NCOA2: variants seen among roughly 807,000 people sequenced by gnomAD.
NCOA2 encodes class E basic helix-loop-helix protein 75.
NCOA2 carries 21 observed loss-of-function variants against 145.1 expected under a neutral mutation model. That is an observed-to-expected ratio of 0.14 (90% CI 0.10 to 0.21). The LOEUF (loss-of-function observed/expected upper bound fraction) is 0.21, where lower values mean the gene tolerates loss of function less well. Among genes scored for constraint, NCOA2 ranks in the 10% least tolerant of loss-of-function variants. The pLI, the probability that NCOA2 is intolerant of heterozygous loss-of-function variation, is 1.00. For synonymous variants in NCOA2, 619 were observed against 637.5 expected, an observed-to-expected ratio of 0.97 and a Z score of 0.44; for missense variants, 1,472 against 1,837.6, an observed-to-expected ratio of 0.80 and a Z score of 3.64.
At chr8:70,129,065 A>G in intron 16 of NCOA2, 85 bp from the exon 17 acceptor site, 1 of 1,289,136 alleles carries the variant, frequency 7.8e-7, no homozygotes, top group South Asian at 1.5e-5. Flanking sequence ...TCTCACTATC[A>G]TATATTTGAA....
At chr8:70,199,712 A>G (rs889074583) in intron 4 of NCOA2, among the ~76,000 whole-genome samples, 13 of 152,188 alleles carry the variant, frequency 8.5e-5, no homozygotes, top group African/African-American at 2.4e-4. Flanking sequence ...GAAAACCATC[A>G]TAAGGAGGCA....
chr8:70,234,487 A>G (rs1261118364), intron 2 of NCOA2, among the ~76,000 whole-genome samples: 1 of 152,208 alleles, frequency 6.6e-6, no homozygotes, highest in Non-Finnish European at 1.5e-5. Flanking sequence ...AGTAATAAAC[A>G]AGGATTCCAC....
intron 14 of NCOA2, 46 bp downstream of exon 14, chr8:70,141,137 TA>T: frequency 6.5e-7 from 1 of 1,533,936 alleles, no homozygotes; most frequent in East Asian, 2.3e-5. Context: ...CTCTCTTTTC[TA>T]AGAGAGCATA....
At position 70,112,430 on chromosome 8, in the gene NCOA2, G is replaced by T; in HGVS notation, c.*1202C>A. On this transcript the variant is annotated 3_prime_UTR_variant, in exon 23 of 23. Transcript: ENST00000452400. ...GATTTTATGTACCTTACAAAACTTC[G>T]GCTTAGTCAGCACTGCTAAAAAACA... 1 of 194,804 alleles carries T rather than the reference G, an allele frequency of 5.1e-6. No individual in the cohort carries two copies. 12.1% of individuals were successfully genotyped at this position (194,804 alleles called of 1,614,324 possible). A position where few individuals can be genotyped will look rare whatever the true frequency, so the allele number is the denominator to read the frequency against.
intron 1 of NCOA2, among the ~76,000 whole-genome samples, chr8:70,343,274 A>G (rs1808309302): frequency 6.6e-6 from 1 of 152,198 alleles, no homozygotes; most frequent in Non-Finnish European, 1.5e-5. Flanking sequence ...TCAGGTTCTT[A>G]AGTTCCATTC....
At chr8:70,431,947 C>T in the NCOA2 span, among the ~76,000 whole-genome samples, 3 of 152,168 alleles carry the variant, frequency 2.0e-5, no homozygotes, top group African/African-American at 4.8e-5. Flanking sequence ...TGTTTTTGAG[C>T]ACTCTGTATT....
intron 22 of NCOA2, among the ~76,000 whole-genome samples, chr8:70,116,186 T>TTAAAAAAAA (rs1807102458): frequency 6.2e-5 from 5 of 80,662 alleles, no homozygotes; most frequent in Admixed American, 1.4e-4. Context: ...GACTCTGTCT[T>TTAAAAAAAA]AAAAAAAAAA....
chr8:70,347,915 TC>T (rs1174841978), intron 1 of NCOA2, among the ~76,000 whole-genome samples: 1 of 152,202 alleles, frequency 6.6e-6, no homozygotes, highest in Non-Finnish European at 1.5e-5. Context: ...GGAGTAAACT[TC>T]TTAAGAAGAG....
chr8:70,331,294 T>G (rs530260184), intron 1 of NCOA2, among the ~76,000 whole-genome samples: 1 of 152,116 alleles, frequency 6.6e-6, no homozygotes, highest in Non-Finnish European at 1.5e-5. Context: ...CAATAGAGTA[T>G]AGCACATAAT....
At chr8:70,420,180 C>G in the NCOA2 span, among the ~76,000 whole-genome samples, 9 of 152,140 alleles carry the variant, frequency 5.9e-5, no homozygotes, top group Non-Finnish European at 1.3e-4. Flanking sequence ...TTTCCATGGT[C>G]TTGTTCAAAA....
the NCOA2 span, among the ~76,000 whole-genome samples, chr8:70,442,057 G>C: frequency 2.8e-5 from 3 of 107,732 alleles, no homozygotes; most frequent in African/African-American, 1.3e-4. Context: ...AGAAAGGAAA[G>C]AGAGAGAAAG....
chr8:70,241,215 G>A (rs1396991082), intron 2 of NCOA2, among the ~76,000 whole-genome samples: 1 of 152,032 alleles, frequency 6.6e-6, no homozygotes, highest in Non-Finnish European at 1.5e-5. Context: ...TTCTCCATTT[G>A]CCAAGAAAAA....
chr8:70,449,256 C>T, the NCOA2 span, among the ~76,000 whole-genome samples: 1 of 152,220 alleles, frequency 6.6e-6, no homozygotes, highest in South Asian at 2.1e-4. Flanking sequence ...GAAATAGAAG[C>T]ACCTGCTCTC....
intron 22 of NCOA2, among the ~76,000 whole-genome samples, chr8:70,116,110 C>T (rs1807084072): frequency 1.4e-5 from 2 of 148,020 alleles, no homozygotes; most frequent in South Asian, 4.4e-4. Context: ...TGGCATGAAC[C>T]TGGGAGGCGG....
chr8:70,154,353 T>C (rs1812064004), intron 11 of NCOA2, among the ~76,000 whole-genome samples: 2 of 152,220 alleles, frequency 1.3e-5, no homozygotes. Context: ...TGATCATTGA[T>C]TCCCTAGGAA....
chr8:70,341,000 G>C (rs1165190949), intron 1 of NCOA2, among the ~76,000 whole-genome samples: 1 of 149,600 alleles, frequency 6.7e-6, no homozygotes, highest in Non-Finnish European at 1.5e-5. Context: ...GGGATGATCT[G>C]TGTGGCAAAC....
At chr8:70,386,261 A>T (rs955933050) in intron 1 of NCOA2, among the ~76,000 whole-genome samples, 1 of 152,238 alleles carries the variant, frequency 6.6e-6, no homozygotes, top group Non-Finnish European at 1.5e-5. Context: ...TGGAACTACC[A>T]CTTTGATAAG....
chr8:70,309,121 T>G (rs933317308), intron 1 of NCOA2, among the ~76,000 whole-genome samples: 1 of 152,156 alleles, frequency 6.6e-6, no homozygotes. Flanking sequence ...GCTGGCCATG[T>G]GGAAAAGCCA....
At chr8:70,148,677 T>G (rs1585843938) in intron 11 of NCOA2, among the ~76,000 whole-genome samples, 194 bp from the exon 12 acceptor site, 1 of 152,218 alleles carries the variant, frequency 6.6e-6, no homozygotes, top group South Asian at 2.1e-4. Flanking sequence ...AATAATTTAA[T>G]CTCTTGGTCC....
Sources: allele counts gnomAD v4.1 joint callset (sites outside exome capture counted in the v4.1 genomes callset), GRCh38; gene constraint gnomAD v4.1.1; transcripts MANE v1.5; gene names NCBI Gene and HGNC (gene_info 2026-07-23, HGNC 2026-07-21).